The following ATP6V1H variants were observed in gnomAD, a reference collection of about 807,000 sequenced individuals.
ATP6V1H encodes V-type proton ATPase subunit H.
ATP6V1H carries 39 observed loss-of-function variants against 71.7 expected under a neutral mutation model. The ratio of observed to expected loss-of-function variants is 0.54; its 90% CI spans 0.42 to 0.71. ATP6V1H has a LOEUF of 0.71. ATP6V1H is among the 30% of genes least tolerant of loss of function. The pLI, the probability that ATP6V1H is intolerant of heterozygous loss-of-function variation, is 0.00. For synonymous variants in ATP6V1H, 192 were observed against 199.3 expected, an observed-to-expected ratio of 0.96 and a Z score of 0.31; for missense variants, 509 against 594.9, an observed-to-expected ratio of 0.86 and a Z score of 1.50.
intron 9 of ATP6V1H, among the ~76,000 whole-genome samples, chr8:53,785,205 A>G (rs1809328194): frequency 6.6e-6 from 1 of 152,120 alleles, no homozygotes; most frequent in Non-Finnish European, 1.5e-5. Context: ...CTTTTCACAT[A>G]GTCCCATATT....
chr8:53,838,533 T>C (rs1404917796), intron 2 of ATP6V1H, among the ~76,000 whole-genome samples: 2 of 152,198 alleles, frequency 1.3e-5, no homozygotes, highest in African/African-American at 2.4e-5. Context: ...ACACTTTATA[T>C]ATTTATATAT....
At chr8:53,756,726 T>A (rs1808082179) in intron 11 of ATP6V1H, 70 bp from the exon 12 acceptor site, 2 of 900,606 alleles carry the variant, frequency 2.2e-6, no homozygotes, top group African/African-American at 3.4e-5. Context: ...AGCACAGGTA[T>A]AATGAAGATA....
intron 13 of ATP6V1H, among the ~76,000 whole-genome samples, chr8:53,724,277 C>A (rs1209178261): frequency 1.3e-5 from 2 of 152,124 alleles, no homozygotes; most frequent in Non-Finnish European, 2.9e-5. Context: ...TATGGCCCCC[C>A]AAAACCTAAG....
chr8:53,788,569 AT>A (rs1205841090), intron 9 of ATP6V1H, among the ~76,000 whole-genome samples: 1 of 152,172 alleles, frequency 6.6e-6, no homozygotes, highest in Admixed American at 6.5e-5. Flanking sequence ...CATACTGTAT[AT>A]TTACTATTGC....
intron 13 of ATP6V1H, among the ~76,000 whole-genome samples, chr8:53,741,045 A>C (rs572950418): frequency 2.6e-5 from 4 of 152,320 alleles, no homozygotes; most frequent in African/African-American, 7.2e-5. Context: ...AAAATTTAAA[A>C]AGTTTGCCAT....
chr8:53,776,259 T>G (rs1479256796), intron 9 of ATP6V1H, among the ~76,000 whole-genome samples: 1 of 151,906 alleles, frequency 6.6e-6, no homozygotes, highest in African/African-American at 2.4e-5. Flanking sequence ...CACGCAGCCC[T>G]AGTTCCCGCT....
intron 13 of ATP6V1H, among the ~76,000 whole-genome samples, chr8:53,721,261 G>A (rs1442193549): frequency 6.6e-6 from 1 of 151,788 alleles, no homozygotes; most frequent in East Asian, 1.9e-4. Context: ...AGCAAACTTT[G>A]TTTTTATGAA....
intron 9 of ATP6V1H, among the ~76,000 whole-genome samples, chr8:53,792,083 A>G (rs917832713): frequency 1.3e-5 from 2 of 152,186 alleles, no homozygotes; most frequent in Admixed American, 6.5e-5. Flanking sequence ...CATTAATACA[A>G]CCTACTTTGA....
At chr8:53,789,354 G>A (rs1207570316) in intron 9 of ATP6V1H, among the ~76,000 whole-genome samples, 2 of 152,166 alleles carry the variant, frequency 1.3e-5, no homozygotes, top group Non-Finnish European at 2.9e-5. Context: ...CTGGGCTTTA[G>A]ATTAAATCTC....
intron 13 of ATP6V1H, among the ~76,000 whole-genome samples, chr8:53,716,430 T>C (rs1364720514): frequency 6.6e-6 from 1 of 152,256 alleles, no homozygotes; most frequent in Admixed American, 6.5e-5. Context: ...CGATTCTGAA[T>C]GACCTCATAA....
At chr8:53,796,162 T>G (rs910343403) in intron 8 of ATP6V1H, among the ~76,000 whole-genome samples, 2 of 152,104 alleles carry the variant, frequency 1.3e-5, no homozygotes, top group Non-Finnish European at 2.9e-5. Flanking sequence ...AAATGTTACA[T>G]GGAGATTTTG....
At chr8:53,841,275 C>T (rs1235613818) in intron 2 of ATP6V1H, among the ~76,000 whole-genome samples, 1 of 152,186 alleles carries the variant, frequency 6.6e-6, no homozygotes, top group Non-Finnish European at 1.5e-5. Flanking sequence ...CCCTCATCCC[C>T]TTCCTCCCTC....
At chr8:53,796,374 C>T (rs993263877) in intron 8 of ATP6V1H, among the ~76,000 whole-genome samples, 3 of 151,922 alleles carry the variant, frequency 2.0e-5, no homozygotes, top group Admixed American at 1.3e-4. Context: ...TCTTACTTTA[C>T]TGATAAGGAA....
Position 53,784,136 on chromosome 8 carries a change from T to C in ATP6V1H, c.870+11511A>G, listed in dbSNP as rs552617910. ...TAGTAGATCTGTCTAATGTTGACAG[T>C]GGGGTGTTAAAGTCTCCCATTATTA... On this transcript the variant is annotated intron_variant, in intron 9 of 13. Transcript: ENST00000359530. 2.1e-3 allele frequency among the ~76,000 whole-genome samples: 326 copies of C among 152,284 alleles called. 1 individual carries two copies. The highest frequency in any genetic ancestry group is 6.2e-3 in the African/African-American group (258 of 41,558).
At chr8:53,835,256 T>C (rs1431170693) in intron 2 of ATP6V1H, among the ~76,000 whole-genome samples, 1 of 152,182 alleles carries the variant, frequency 6.6e-6, no homozygotes, top group African/African-American at 2.4e-5. Flanking sequence ...AAGTGATTTA[T>C]GAAAGAAGAG....
chr8:53,795,063 C>T (rs958208793), intron 9 of ATP6V1H, among the ~76,000 whole-genome samples: 1 of 152,164 alleles, frequency 6.6e-6, no homozygotes, highest in African/African-American at 2.4e-5. Flanking sequence ...AATACACTGG[C>T]TCTCGGTAGC....
chr8:53,748,506 T>C (rs1459978189), intron 12 of ATP6V1H, among the ~76,000 whole-genome samples: 3 of 152,176 alleles, frequency 2.0e-5, no homozygotes, highest in Non-Finnish European at 4.4e-5. Context: ...ATAATGAAAA[T>C]TTGGAAACTA....
intron 11 of ATP6V1H, among the ~76,000 whole-genome samples, chr8:53,762,853 C>T (rs1186892063): frequency 6.6e-6 from 1 of 152,122 alleles, no homozygotes; most frequent in Non-Finnish European, 1.5e-5. Context: ...CACCCATTTG[C>T]CACCCCTGAA....
In ATP6V1H at chr8:53,756,562, C is replaced by T. The variant is rs376739751; in HGVS notation, c.1270G>A (p.Gly424Ser). The change falls in exon 12 of 14, where the codon GGC (glycine) becomes AGC (serine). Residue 424 changes from glycine to serine, a missense_variant. Gly to Ser is a moderately conservative substitution (Grantham distance 56, BLOSUM62 0). Transcript: ENST00000359530. ...VGEYVRHYPR[G>S]KRVIEQLGGK... ...TGAATGGCTTTCTCTTACCGTTTGC[C>T]TCGTGGATAATGCCGCACATATTCT... 1 of 1,612,534 alleles carries T rather than the reference C, an allele frequency of 6.2e-7. No individual in the cohort carries two copies. The highest frequency in any genetic ancestry group is 8.5e-7 in the Non-Finnish European group (1 of 1,178,948).
Sources: gnomAD v4.1 joint callset for allele counts (sites outside exome capture counted in the v4.1 genomes callset) on GRCh38, gnomAD v4.1.1 for gene constraint, MANE v1.5 for transcripts, NCBI Gene and HGNC (gene_info 2026-07-23, HGNC 2026-07-21) for gene names.